Variants in TMEM26 observed in about 807,000 individuals in gnomAD.
The protein encoded by TMEM26 is transmembrane protein 26.
A neutral mutation model predicts 28.8 loss-of-function variants in TMEM26; 38 were observed. That is an observed-to-expected ratio of 1.32 (90% CI 1.02 to 1.73). The LOEUF (loss-of-function observed/expected upper bound fraction) is 1.73. Ranked by LOEUF, TMEM26 falls within the 40% of genes most tolerant of loss-of-function variation. TMEM26 has a pLI of 0.00. For missense variants in TMEM26, 518 were observed against 447.1 expected, an observed-to-expected ratio of 1.16 and a Z score of -1.43; for synonymous variants, 227 against 182.9, an observed-to-expected ratio of 1.24 and a Z score of -1.95.
intron 1 of TMEM26, among the ~76,000 whole-genome samples, chr10:61,451,382 G>A (rs1462155031): frequency 6.6e-6 from 1 of 152,164 alleles, no homozygotes. Context: ...AGAAACTCTG[G>A]CGGTTGGTGG....
At position 61,412,766 on chromosome 10, in the gene TMEM26, T is replaced by A. The variant is rs78680258; in HGVS notation, c.682+693A>T. On this transcript the variant is annotated intron_variant, in intron 5 of 5. Coordinates refer to ENST00000399298, the MANE Select transcript of TMEM26 (RefSeq NM_178505.8). ...TGACTGAGGAGTTGGAATTTTAATG[T>A]TTTAAATTTTTAATTAATTTCAATT... is the stretch of plus-strand genomic sequence containing the variant. 2,096 of 278,190 alleles carry A rather than the reference T, an allele frequency of 7.5e-3. 61 individuals are homozygous for A. The highest frequency in any genetic ancestry group is 0.068 in the East Asian group (664 of 9,734). The allele number at this position is 278,190 out of a possible 1,614,324, so 17.2% of individuals were successfully genotyped here.
intron 4 of TMEM26, among the ~76,000 whole-genome samples, chr10:61,416,841 G>T (rs183670220): frequency 6.6e-6 from 1 of 152,068 alleles, no homozygotes; most frequent in African/African-American, 2.4e-5. Flanking sequence ...CTACAGAATA[G>T]GGATAAATGA....
chr10:61,419,620 A>G (rs1004922236), intron 4 of TMEM26, among the ~76,000 whole-genome samples: 4 of 152,156 alleles, frequency 2.6e-5, no homozygotes, highest in African/African-American at 9.6e-5. Flanking sequence ...AAGATAGATC[A>G]ATAAAAATCG....
At chr10:61,416,694 A>C (rs143212571) in intron 4 of TMEM26, among the ~76,000 whole-genome samples, 9 of 152,154 alleles carry the variant, frequency 5.9e-5, no homozygotes, top group African/African-American at 2.2e-4. Context: ...GTAAATGCAA[A>C]ATAACTTACT....
chr10:61,409,683 C>T lies in TMEM26; in HGVS notation c.*639G>A, dbSNP rs1378017889. On this transcript the variant is annotated 3_prime_UTR_variant, in exon 6 of 6. Transcript: ENST00000399298. ...GCTGTGAATTTTGTAGCACCCAAGA[C>T]AAAAGCAATAAAATTTCTGTAAGAA... 6.6e-6 allele frequency: 1 copy of T among 152,266 alleles called. No individual in the cohort carries two copies. The highest frequency in any genetic ancestry group is 1.5e-5 in the Non-Finnish European group (1 of 68,134). 9.4% of individuals were successfully genotyped at this position (152,266 alleles called of 1,614,324 possible).
Position 61,410,704 on chromosome 10 carries a change from A to G in TMEM26, c.725T>C (p.Phe242Ser), listed in dbSNP as rs1589022949. Residue 242 changes from phenylalanine (F) to serine (S), a missense_variant, in exon 6 of 6, where the codon TTC (phenylalanine) becomes TCC (serine). By Grantham distance (155) the Phe-to-Ser change is radical (BLOSUM62 -2). Coordinates refer to ENST00000399298, the MANE Select transcript of TMEM26 (RefSeq NM_178505.8). Reference sequence around the variant, plus strand: ...GTACTGGCAAAAGAACAGGCTGGGGAATCCCCTCTCTGTCACAGACACAGG... The same window carrying G: ...GTACTGGCAAAAGAACAGGCTGGGGGATCCCCTCTCTGTCACAGACACAGG... ...VCPVSVTERG[F>S]PSLFFCQYSA... 6.2e-7 allele frequency: 1 copy of G among 1,614,134 alleles called. No homozygotes were observed. The highest frequency in any genetic ancestry group is 1.1e-5 in the South Asian group (1 of 91,068).
At chr10:61,449,501 T>C (rs1295117631) in intron 1 of TMEM26, among the ~76,000 whole-genome samples, 1 of 152,224 alleles carries the variant, frequency 6.6e-6, no homozygotes, top group East Asian at 1.9e-4. Flanking sequence ...ATGTTTGCTG[T>C]GTTTCAAAAT....
chr10:61,448,682 T>A (rs893283276), intron 1 of TMEM26, among the ~76,000 whole-genome samples: 1 of 151,764 alleles, frequency 6.6e-6, no homozygotes, highest in Non-Finnish European at 1.5e-5. Flanking sequence ...TGCTTGCTCA[T>A]TAAGCAATTC....
intron 1 of TMEM26, chr10:61,452,628 C>T (rs1428749192): frequency 4.3e-6 from 2 of 460,060 alleles, no homozygotes; most frequent in Non-Finnish European, 7.9e-6. Flanking sequence ...CTTTACTCAT[C>T]TTCCAAGTTT....
chr10:61,414,946 G>T, intron 4 of TMEM26: 1 of 977,010 alleles, frequency 1.0e-6, no homozygotes, highest in Non-Finnish European at 1.2e-6. Flanking sequence ...AATACTGTTA[G>T]GTGGATTCCT....
intron 4 of TMEM26, among the ~76,000 whole-genome samples, chr10:61,424,752 C>G (rs538767982): frequency 1.3e-5 from 2 of 152,100 alleles, no homozygotes; most frequent in Admixed American, 1.3e-4. Flanking sequence ...AACAGAAAGT[C>G]CAGAGAAAAA....
intron 1 of TMEM26, among the ~76,000 whole-genome samples, chr10:61,439,070 G>A (rs149239291): frequency 3.9e-4 from 59 of 152,280 alleles, no homozygotes; most frequent in Non-Finnish European, 7.2e-4. Flanking sequence ...GTTAATCTAA[G>A]GAGCGAGGTT....
Position 61,413,350 on chromosome 10 carries a change from A to G in TMEM26, c.682+109T>C, listed in dbSNP as rs1434261882. ...CCTTCTAAGCTGAACTAGAACTAAT[A>G]TTGGGATACAGACATGATAATCCTT... On this transcript the variant is annotated intron_variant, in intron 5 of 5. Coordinates refer to ENST00000399298, the MANE Select transcript of TMEM26 (RefSeq NM_178505.8). 3 of 1,480,492 alleles carry G rather than the reference A, an allele frequency of 2.0e-6. No homozygotes were observed. The East Asian group carries it at 7.3e-5, about 36-fold the overall frequency. The allele number at this position is 1,480,492 out of a possible 1,614,324, so 91.7% of individuals were successfully genotyped here. A position where few individuals can be genotyped will look rare whatever the true frequency, so the allele number is the denominator to read the frequency against.
intron 1 of TMEM26, among the ~76,000 whole-genome samples, chr10:61,447,783 C>T (rs913139435): frequency 1.3e-5 from 2 of 152,096 alleles, no homozygotes; most frequent in African/African-American, 4.8e-5. Flanking sequence ...TCTCTAAGGC[C>T]TCAGCTCAAA....
intron 1 of TMEM26, among the ~76,000 whole-genome samples, chr10:61,445,791 T>C (rs986564862): frequency 2.0e-5 from 3 of 152,156 alleles, no homozygotes; most frequent in South Asian, 2.1e-4. Context: ...GTGGGGAATA[T>C]ACACATGGGG....
chr10:61,428,749 A>G (rs902854255), intron 4 of TMEM26, among the ~76,000 whole-genome samples, 177 bp downstream of exon 4: 1 of 152,136 alleles, frequency 6.6e-6, no homozygotes, highest in African/African-American at 2.4e-5. Context: ...TTCTTAAAAA[A>G]CATAAAGACT....
rs149046774 is a variant in TMEM26, at chr10:61,413,091, A to C, written c.682+368T>G. 3.2e-5 allele frequency: 19 copies of C among 588,548 alleles called. No homozygotes were observed. The African/African-American group carries it at 3.3e-4, about 10-fold the overall frequency. The allele number at this position is 588,548 out of a possible 1,614,324, so 36.5% of individuals were successfully genotyped here. On this transcript the variant is annotated intron_variant, in intron 5 of 5. Transcript: ENST00000399298. Reference sequence around the variant, plus strand: ...TAAGCAAACTGTATATTACTGAGTCATGACAAGAATCTTCAACCCTAGTGA... The same window carrying C: ...TAAGCAAACTGTATATTACTGAGTCCTGACAAGAATCTTCAACCCTAGTGA...
intron 1 of TMEM26, among the ~76,000 whole-genome samples, chr10:61,447,696 G>A (rs1024499152): frequency 2.0e-5 from 3 of 152,116 alleles, no homozygotes; most frequent in Non-Finnish European, 4.4e-5. Context: ...TCATTTGAGG[G>A]TATGTCAGAA....
intron 4 of TMEM26, among the ~76,000 whole-genome samples, chr10:61,419,040 C>T (rs770546816): frequency 7.9e-5 from 12 of 152,076 alleles, no homozygotes; most frequent in Non-Finnish European, 1.6e-4. Context: ...ATAGGTGTGA[C>T]CACTAAGACA....
Sources: allele counts gnomAD v4.1 joint callset (sites outside exome capture counted in the v4.1 genomes callset), GRCh38; gene constraint gnomAD v4.1.1; transcripts MANE v1.5; gene names NCBI Gene and HGNC (gene_info 2026-07-23, HGNC 2026-07-21).